RTTN: variants seen among roughly 807,000 people sequenced by gnomAD.
RTTN encodes the protein rotatin.
Under a neutral mutation model 269.2 loss-of-function variants are expected in RTTN, and 182 were observed. That is an observed-to-expected ratio of 0.68 (90% CI 0.60 to 0.76). The LOEUF is 0.76. Among genes scored for constraint, RTTN ranks in the 30% least tolerant of loss-of-function variants. The pLI is 0.00. For missense variants in RTTN, 2,545 were observed against 2,608.6 expected (o/e 0.98, Z 0.53); for synonymous variants, 1,006 against 963.5 (o/e 1.04, Z -0.82).
At chr18:70,131,455 A>C (rs1334620561) in intron 23 of RTTN, 1 of 151,596 alleles carries the variant, frequency 6.6e-6, no homozygotes, top group Non-Finnish European at 1.5e-5. Context: ...GGATGTGGTA[A>C]AAATACTAGT....
intron 28 of RTTN, among the ~76,000 whole-genome samples, chr18:70,101,881 G>A (rs2059177243): frequency 6.6e-6 from 1 of 152,200 alleles, no homozygotes; most frequent in African/African-American, 2.4e-5. Context: ...ATGTAGTTGA[G>A]CTGTTCTGAG....
At chr18:70,101,726 T>G (rs1413114642) in intron 28 of RTTN, among the ~76,000 whole-genome samples, 1 of 152,242 alleles carries the variant, frequency 6.6e-6, no homozygotes, top group Non-Finnish European at 1.5e-5. Context: ...TGCTATAAAT[T>G]TCCCTTTACA....
chr18:70,166,297 A>C lies in RTTN; in HGVS notation c.1803-109T>G, dbSNP rs575569303. On this transcript the variant is annotated intron_variant, in intron 13 of 48. Coordinates refer to ENST00000640769, the MANE Select transcript of RTTN (RefSeq NM_173630.4). ...CTTCCTACTCCAACTCCTCAAACTG[A>C]GATCTTATTAAAAATAACCAATACT... 2.1e-4 allele frequency: 227 copies of C among 1,061,938 alleles called. 1 individual carries two copies. In the African/African-American group the frequency reaches 3.1e-3, roughly 15 times the overall value. 65.8% of individuals were successfully genotyped at this position (1,061,938 alleles called of 1,614,324 possible).
intron 14 of RTTN, among the ~76,000 whole-genome samples, chr18:70,162,179 T>C (rs1599846303): frequency 6.6e-6 from 1 of 152,080 alleles, no homozygotes; most frequent in South Asian, 2.1e-4. Context: ...TACTCAGCCA[T>C]TAAAAAAGAA....
At chr18:70,191,584 A>G (rs1433714513) in intron 8 of RTTN, among the ~76,000 whole-genome samples, 1 of 152,208 alleles carries the variant, frequency 6.6e-6, no homozygotes, top group Non-Finnish European at 1.5e-5. Flanking sequence ...GGCTTTCTTC[A>G]TTAAAAAGTT....
intron 14 of RTTN, among the ~76,000 whole-genome samples, chr18:70,154,272 A>AGG (rs1201857019): frequency 2.6e-5 from 4 of 151,922 alleles, no homozygotes; most frequent in African/African-American, 4.8e-5. Context: ...AATTTTTTAG[A>AGG]ACTCCTCTAA....
chr18:70,036,547 G>A (rs752299946), intron 40 of RTTN, among the ~76,000 whole-genome samples: 1 of 152,164 alleles, frequency 6.6e-6, no homozygotes, highest in South Asian at 2.1e-4. Flanking sequence ...CTACCAGTGG[G>A]TGAAGGGTAG....
intron 25 of RTTN, among the ~76,000 whole-genome samples, chr18:70,122,528 C>T (rs2059765598): frequency 6.6e-6 from 1 of 152,104 alleles, no homozygotes; most frequent in Admixed American, 6.6e-5. Flanking sequence ...GGGTTTCTGT[C>T]AAACTTCATA....
intron 40 of RTTN, among the ~76,000 whole-genome samples, chr18:70,035,742 C>A (rs1402009409): frequency 1.3e-5 from 2 of 152,108 alleles, no homozygotes; most frequent in East Asian, 3.9e-4. Context: ...GTCTGCACAG[C>A]AAAAGAAACT....
At position 70,140,775 on chromosome 18, in the gene RTTN, A is replaced by C. The variant is rs143481520; in HGVS notation, c.2582-587T>G. Among the ~76,000 whole-genome samples, 326 of 152,244 alleles carry C rather than the reference A, an allele frequency of 2.1e-3. 2 individuals are homozygous for C. The highest frequency in any genetic ancestry group is 1.1e-3 in the Non-Finnish European group (76 of 67,996). ...GTAATAAAGAAGTTTTTGTATATAC[A>C]TAAAAAAATCTTATATGTATAGACA... On this transcript the variant is annotated intron_variant, in intron 19 of 48. Transcript: ENST00000640769.
At chr18:70,092,432 C>T (rs2058875451) in intron 29 of RTTN, among the ~76,000 whole-genome samples, 1 of 151,982 alleles carries the variant, frequency 6.6e-6, no homozygotes, top group African/African-American at 2.4e-5. Flanking sequence ...GCTATTTTTC[C>T]CATAATGTAG....
chr18:70,122,908 C>A (rs980181976), intron 25 of RTTN, among the ~76,000 whole-genome samples: 4 of 152,038 alleles, frequency 2.6e-5, no homozygotes, highest in African/African-American at 7.2e-5. Flanking sequence ...TAAAATATCA[C>A]CTCTGTAACC....
chr18:70,169,039 G>C lies in RTTN; in HGVS notation c.1505C>G (p.Ser502Ter). Residue 502 changes from serine (S) to a stop codon, truncating the protein, a stop_gained, in exon 12 of 49, where the codon TCA becomes TGA. Coordinates refer to ENST00000640769, the MANE Select transcript of RTTN (RefSeq NM_173630.4). LOFTEE classifies it high-confidence loss of function. ...KASEFLSEPM[S>*]TALFLLSLDM... Reference sequence around the variant, plus strand: ...CAAAGAAAGGAGAAATAATGCTGTTGACATAGGCTCTGATAAAAACTCGCT... The same window carrying C: ...CAAAGAAAGGAGAAATAATGCTGTTCACATAGGCTCTGATAAAAACTCGCT... 1 of 1,609,106 alleles carries C rather than the reference G, an allele frequency of 6.2e-7. No individual in the cohort carries two copies.
In RTTN at chr18:70,183,213, CAA is replaced by C. The variant is rs1352262400; in HGVS notation, c.1305+4893_1305+4894del. Among the ~76,000 whole-genome samples the C allele has an allele frequency of 6.6e-5, 10 of 152,236 alleles. No individual in the cohort carries two copies. The East Asian group carries it at 1.9e-3, about 29-fold the overall frequency. ...ACAGCAAACACAGGCAAGAGAAATC[CAA>C]AGAGTCTGACAGTCTCGATGACTTT... On this transcript the variant is annotated intron_variant, in intron 10 of 48. Transcript: ENST00000640769.
chr18:70,134,817 G>T (rs1005947163), intron 22 of RTTN, among the ~76,000 whole-genome samples: 1 of 152,074 alleles, frequency 6.6e-6, no homozygotes, highest in Non-Finnish European at 1.5e-5. Flanking sequence ...CACGGATCCT[G>T]CTCAAGATCA....
At position 70,024,798 on chromosome 18, in the gene RTTN, A is replaced by T; in HGVS notation, c.5874T>A (p.Pro1958=). The T allele has an allele frequency of 6.2e-7, 1 of 1,614,070 alleles. No homozygotes were observed. Among genetic ancestry groups the T allele is most frequent in the Admixed American group, 1.7e-5 (1 of 60,022 alleles). Residue 1958 remains proline (P), a synonymous_variant, in exon 44 of 49, where the codon CCT becomes CCA. Coordinates refer to ENST00000640769, the MANE Select transcript of RTTN (RefSeq NM_173630.4). ...HLVPVLHSLW[P]WILMDDSLMQ... ...TCAATGAATCATCCATCAAAATCCAAGGCCAGAGAGAGTGCAAGACAGGGA... is the reference window on the plus strand; with the variant it reads ...TCAATGAATCATCCATCAAAATCCATGGCCAGAGAGAGTGCAAGACAGGGA...
At chr18:70,190,409 T>G in intron 9 of RTTN, 129 bp downstream of exon 9, 1 of 571,372 alleles carries the variant, frequency 1.8e-6, no homozygotes, top group Non-Finnish European at 2.9e-6. Context: ...TTTTAGAAAT[T>G]TATATCCCAA....
chr18:70,149,843 C>A, intron 16 of RTTN, 128 bp downstream of exon 16: 1 of 713,480 alleles, frequency 1.4e-6, no homozygotes, highest in Non-Finnish European at 2.5e-6. Flanking sequence ...GTTCACTTAT[C>A]CCCAGCGCCT....
At chr18:70,085,377 A>G (rs972402846) in intron 32 of RTTN, among the ~76,000 whole-genome samples, 2 of 152,304 alleles carry the variant, frequency 1.3e-5, no homozygotes, top group East Asian at 1.9e-4. Context: ...TAAGCCTTCC[A>G]AGAGTTAAAT....
Sources: allele counts gnomAD v4.1 joint callset (sites outside exome capture counted in the v4.1 genomes callset), GRCh38; gene constraint gnomAD v4.1.1; transcripts MANE v1.5; gene names NCBI Gene and HGNC (gene_info 2026-07-23, HGNC 2026-07-21).